The following BRD9 variants were observed in gnomAD, a reference collection of about 807,000 sequenced individuals.
The protein encoded by BRD9 is bromodomain containing 9.
BRD9 carries 47 observed loss-of-function variants against 68.7 expected under a neutral mutation model. The observed-to-expected ratio is 0.68, with a 90% CI of 0.54 to 0.87. The LOEUF is 0.87. Among genes scored for constraint, BRD9 ranks in the 40% least tolerant of loss-of-function variants. The pLI, the probability that BRD9 is intolerant of heterozygous loss-of-function variation, is 0.00. For synonymous variants in BRD9, 313 were observed against 293.9 expected (o/e 1.06, Z -0.67); for missense variants, 670 against 748.4 (o/e 0.90, Z 1.22).
intron 14 of BRD9, among the ~76,000 whole-genome samples, chr5:869,865 C>T (rs978030248): frequency 6.6e-6 from 1 of 152,200 alleles, no homozygotes; most frequent in Admixed American, 6.5e-5. Context: ...TAAAACATAT[C>T]AAAACAAGCT....
intron 14 of BRD9, 47 bp from the exon 15 acceptor site, chr5:865,628 C>T (rs551699306): frequency 2.0e-5 from 31 of 1,545,462 alleles, no homozygotes; most frequent in South Asian, 1.6e-4. Context: ...TCAGCCGGCC[C>T]GTCTACCCTA....
At chr5:867,019 A>G (rs956943430) in intron 14 of BRD9, among the ~76,000 whole-genome samples, 3 of 152,194 alleles carry the variant, frequency 2.0e-5, no homozygotes, top group Non-Finnish European at 4.4e-5. Context: ...CACTGCCATC[A>G]CAGGCCTGGG....
At chr5:887,257 G>A (rs993035950) in intron 6 of BRD9, 104 bp downstream of exon 6, 25 of 942,064 alleles carry the variant, frequency 2.7e-5, no homozygotes, top group South Asian at 1.7e-4. Context: ...TGAGGGTGGC[G>A]GGTGGATGGA....
intron 11 of BRD9, among the ~76,000 whole-genome samples, chr5:877,237 A>G (rs1751086016): frequency 6.6e-6 from 1 of 152,218 alleles, no homozygotes; most frequent in Non-Finnish European, 1.5e-5. Flanking sequence ...CAGGGGAGCC[A>G]CGGCCTTGGC....
intron 13 of BRD9, 96 bp downstream of exon 13, chr5:871,430 G>A (rs1455834736): frequency 4.1e-5 from 45 of 1,086,448 alleles, no homozygotes; most frequent in Non-Finnish European, 5.7e-5. Context: ...ATTTCTAAAC[G>A]CCGTCATACA....
At chr5:878,056 G>T (rs1041791919) in intron 11 of BRD9, among the ~76,000 whole-genome samples, 1 of 152,190 alleles carries the variant, frequency 6.6e-6, no homozygotes, top group Admixed American at 6.5e-5. Flanking sequence ...ACTGCAGCCT[G>T]AGCTAGCACG....
intron 14 of BRD9, among the ~76,000 whole-genome samples, chr5:867,030 G>C (rs955280115): frequency 6.6e-6 from 1 of 152,224 alleles, no homozygotes; most frequent in African/African-American, 2.4e-5. Flanking sequence ...CAGGCCTGGG[G>C]GTCTAGGAGG....
At chr5:892,558 G>C in intron 1 of BRD9, 48 bp downstream of exon 1, 1 of 1,529,018 alleles carries the variant, frequency 6.5e-7, no homozygotes, top group Non-Finnish European at 8.8e-7. Flanking sequence ...CTCCTCCCCC[G>C]TGCCCGGGAC....
chr5:889,873 G>T, intron 3 of BRD9: 1 of 829,026 alleles, frequency 1.2e-6, no homozygotes, highest in Non-Finnish European at 1.8e-6. Flanking sequence ...TGTAATAACC[G>T]GTAGCCCTTA....
At chr5:866,631 G>T (rs1337661624) in intron 14 of BRD9, 2 of 152,358 alleles carry the variant, frequency 1.3e-5, no homozygotes, top group East Asian at 3.8e-4. Flanking sequence ...GGGGGCAAAG[G>T]TCACTCTTGC....
intron 3 of BRD9, 108 bp from the exon 4 acceptor site, chr5:889,755 T>G: frequency 5.2e-6 from 8 of 1,535,876 alleles, no homozygotes; most frequent in Admixed American, 1.8e-5. Flanking sequence ...GCATTTTAAG[T>G]TCCACCGAGA....
Position 892,629 on chromosome 5 carries a change from G to A in BRD9, c.29C>T (p.Ala10Val). Residue 10 changes from alanine (A) to valine (V), a missense_variant, in exon 1 of 16, where the codon GCC becomes GTC. Ala to Val is a moderately conservative substitution (Grantham distance 64). Transcript: ENST00000467963. MGKKHKKHK[A>V]EWRSSYEDYA... ...ACCCTCGTAGGACGAGCGCCACTCGGCCTTGTGCTTCTTGTGCTTCTTGCC... is the reference window on the plus strand; with the variant it reads ...ACCCTCGTAGGACGAGCGCCACTCGACCTTGTGCTTCTTGTGCTTCTTGCC... 2 of 1,510,786 alleles carry A rather than the reference G, an allele frequency of 1.3e-6. No homozygotes were observed. Among genetic ancestry groups the A allele is most frequent in the East Asian group, 2.8e-5 (1 of 35,700 alleles). 93.6% of individuals were successfully genotyped at this position (1,510,786 alleles called of 1,614,324 possible).
chr5:891,971 C>T, intron 1 of BRD9, 117 bp from the exon 2 acceptor site: 1 of 1,440,016 alleles, frequency 6.9e-7, no homozygotes, highest in Non-Finnish European at 9.1e-7. Flanking sequence ...GCGGGGCTGC[C>T]AACCAGCAGG....
chr5:869,488 T>C, intron 14 of BRD9: 1 of 395,852 alleles, frequency 2.5e-6, no homozygotes, highest in Non-Finnish European at 5.0e-6. Context: ...AAAATCTACA[T>C]TCTGTAGAGA....
At chr5:888,584 G>A (rs190398282) in intron 5 of BRD9, among the ~76,000 whole-genome samples, 239 of 152,352 alleles carry the variant, frequency 1.6e-3, no homozygotes, top group Non-Finnish European at 2.8e-3. Context: ...CCAGTAGCAA[G>A]AAACAGAGCT....
rs1219984897 is a variant in BRD9, at chr5:887,359, A to G, written c.717+2T>C. ...GCTCGCTGCTGCCAGTGAGTTTCTT[A>G]CTTTGCTCATCATCTTAAAGCCTGC... is the stretch of plus-strand genomic sequence containing the variant. On this transcript the variant is annotated splice_donor_variant, in intron 6 of 15. Coordinates refer to ENST00000467963, the MANE Select transcript of BRD9 (RefSeq NM_023924.5). LOFTEE classifies it high-confidence loss of function. 1.9e-6 allele frequency: 3 copies of G among 1,607,988 alleles called. No individual in the cohort carries two copies. Among genetic ancestry groups the G allele is most frequent in the Non-Finnish European group, 2.6e-6 (3 of 1,174,602 alleles).
chr5:878,326 GC>G (rs780773076), intron 11 of BRD9, 28 bp downstream of exon 11: 1 of 1,610,564 alleles, frequency 6.2e-7, no homozygotes, highest in African/African-American at 1.3e-5. Context: ...CTGCACAGCA[GC>G]CAAGGGCTCC....
intron 15 of BRD9, 64 bp from the exon 16 acceptor site, chr5:864,632 T>G: frequency 6.2e-6 from 9 of 1,447,096 alleles, no homozygotes; most frequent in Non-Finnish European, 8.7e-6. Flanking sequence ...GTGGGGCTCC[T>G]GGAGCCCAAG....
At chr5:891,339 A>G (rs1753358798) in intron 2 of BRD9, 52 bp from the exon 3 acceptor site, 2 of 1,537,712 alleles carry the variant, frequency 1.3e-6, no homozygotes, top group Non-Finnish European at 8.8e-7. Context: ...CGGGATCCGG[A>G]CAGGTCTGCC....
Sources: allele counts gnomAD v4.1 joint callset (sites outside exome capture counted in the v4.1 genomes callset), GRCh38; gene constraint gnomAD v4.1.1; transcripts MANE v1.5; gene names NCBI Gene and HGNC (gene_info 2026-07-23, HGNC 2026-07-21).